SGCD: variants seen among roughly 807,000 people sequenced by gnomAD.
SGCD encodes the protein sarcoglycan delta.
SGCD carries 18 observed loss-of-function variants against 36.6 expected under a neutral mutation model. The observed-to-expected ratio is 0.49, with a 90% confidence interval of 0.34 to 0.73. SGCD has a LOEUF of 0.73. Among genes scored for constraint, SGCD ranks in the 30% least tolerant of loss-of-function variants. The pLI is 0.01. For missense variants in SGCD, 387 were observed against 346.7 expected (o/e 1.12, Z -0.92); for synonymous variants, 133 against 130.6 (o/e 1.02, Z -0.12).
chr5:155,832,704 C>T, the SGCD span, among the ~76,000 whole-genome samples: 1 of 149,314 alleles, frequency 6.7e-6, no homozygotes, highest in Non-Finnish European at 1.5e-5. Context: ...AATAGACATG[C>T]AAAAAAAATT....
intron 1 of SGCD, among the ~76,000 whole-genome samples, chr5:155,939,088 A>T (rs1757272674): frequency 2.0e-5 from 3 of 152,216 alleles, no homozygotes; most frequent in Admixed American, 2.0e-4. Context: ...TGGTCAAAAG[A>T]TAAAGAATTC....
the SGCD span, among the ~76,000 whole-genome samples, chr5:155,762,232 G>A: frequency 6.6e-6 from 1 of 152,074 alleles, no homozygotes; most frequent in African/African-American, 2.4e-5. Context: ...TGACAGATGT[G>A]AATGAATGCT....
intron 3 of SGCD, among the ~76,000 whole-genome samples, chr5:156,164,095 A>C (rs566378747): frequency 3.3e-5 from 5 of 151,432 alleles, no homozygotes; most frequent in South Asian, 2.1e-4. Flanking sequence ...GGAGAATGGC[A>C]GGAAAGCTAA....
intron 4 of SGCD, among the ~76,000 whole-genome samples, chr5:156,563,639 T>A (rs1759360243): frequency 6.6e-6 from 1 of 152,236 alleles, no homozygotes; most frequent in African/African-American, 2.4e-5. Flanking sequence ...CTACCTGGAA[T>A]CATTATCAAA....
Position 156,274,199 on chromosome 5 carries a change from A to G in SGCD, c.-43-55335A>G, listed in dbSNP as rs1337542990. On this transcript the variant is annotated intron_variant, in intron 3 of 9. Coordinates refer to the SGCD transcript ENST00000517913. ...GTACTTGCTTCAAAAACAAAATTTC[A>G]GGGGACACTAAAAATCTCAGCAATT... 2.0e-5 allele frequency among the ~76,000 whole-genome samples: 3 copies of G among 152,140 alleles called. 1 individual carries two copies. The East Asian group carries it at 5.8e-4, about 29-fold the overall frequency.
intron 3 of SGCD, among the ~76,000 whole-genome samples, chr5:156,445,776 A>C (rs1004083633): frequency 6.6e-6 from 1 of 152,106 alleles, no homozygotes; most frequent in Non-Finnish European, 1.5e-5. Context: ...ATTGTGATGC[A>C]TAGTGATAAC....
chr5:156,273,443 T>G (rs1766231605), intron 3 of SGCD, among the ~76,000 whole-genome samples: 1 of 151,426 alleles, frequency 6.6e-6, no homozygotes, highest in East Asian at 1.9e-4. Flanking sequence ...CACAGCCCAT[T>G]GTCAGTTTGC....
chr5:156,650,822 A>G (rs902140623), intron 7 of SGCD, among the ~76,000 whole-genome samples: 19 of 152,122 alleles, frequency 1.2e-4, no homozygotes, highest in Admixed American at 3.3e-4. Flanking sequence ...TGATAGAACA[A>G]TTTATTTCCC....
In SGCD at chr5:156,764,509, A is replaced by G. The variant is rs564275183; in HGVS notation, c.*5119A>G. On this transcript the variant is annotated 3_prime_UTR_variant, in exon 9 of 9. Transcript: ENST00000337851. Reference sequence around the variant, plus strand: ...CTTTCTTCATAAGGGAGTCCCTGAAATTTCTCAAGGCAGGTTTGAATGGCA... The same window carrying G: ...CTTTCTTCATAAGGGAGTCCCTGAAGTTTCTCAAGGCAGGTTTGAATGGCA... 3 of 152,566 alleles carry G rather than the reference A, an allele frequency of 2.0e-5. No homozygotes were observed. The highest frequency in any genetic ancestry group is 4.4e-5 in the Non-Finnish European group (3 of 68,034). 9.5% of individuals were successfully genotyped at this position (152,566 alleles called of 1,614,324 possible).
chr5:156,566,250 T>A (rs1262402041), intron 4 of SGCD, among the ~76,000 whole-genome samples: 1 of 152,180 alleles, frequency 6.6e-6, no homozygotes, highest in African/African-American at 2.4e-5. Context: ...GTAAATAAAT[T>A]CAATTTTTTA....
At chr5:155,749,788 A>C in the SGCD span, among the ~76,000 whole-genome samples, 1 of 152,170 alleles carries the variant, frequency 6.6e-6, no homozygotes, top group Non-Finnish European at 1.5e-5. Context: ...ACTGTAATCT[A>C]TCCCACATTT....
chr5:156,625,388 C>A (rs901934967), intron 6 of SGCD, among the ~76,000 whole-genome samples: 6 of 152,102 alleles, frequency 3.9e-5, no homozygotes, highest in African/African-American at 1.4e-4. Context: ...GTATGTTTGT[C>A]TTTGATAACT....
intron 3 of SGCD, among the ~76,000 whole-genome samples, chr5:156,397,374 G>A (rs1771914548): frequency 6.6e-6 from 1 of 152,160 alleles, no homozygotes; most frequent in Admixed American, 6.5e-5. Flanking sequence ...TTTTAAAAAT[G>A]TAAAAACCAT....
intron 1 of SGCD, among the ~76,000 whole-genome samples, chr5:156,073,617 G>A (rs918410233): frequency 3.3e-5 from 5 of 152,098 alleles, no homozygotes; most frequent in East Asian, 1.9e-4. Context: ...TTTTCTATTC[G>A]TGTACAGAGT....
chr5:156,562,816 T>C (rs1759321401), intron 4 of SGCD, among the ~76,000 whole-genome samples: 1 of 150,988 alleles, frequency 6.6e-6, no homozygotes, highest in Admixed American at 6.6e-5. Context: ...AATATATACA[T>C]ATAATAATTT....
intron 4 of SGCD, among the ~76,000 whole-genome samples, chr5:156,513,014 C>A (rs1310047295): frequency 4.0e-5 from 6 of 151,720 alleles, no homozygotes; most frequent in Non-Finnish European, 5.9e-5. Context: ...TTTAATATTT[C>A]CCTTCTGGAT....
chr5:156,593,050 T>G (rs1212976737), intron 5 of SGCD, among the ~76,000 whole-genome samples: 2 of 152,192 alleles, frequency 1.3e-5, no homozygotes, highest in African/African-American at 2.4e-5. Flanking sequence ...AGATTTCTTT[T>G]TATAAACACA....
intron 3 of SGCD, among the ~76,000 whole-genome samples, chr5:156,184,756 C>A (rs1561554809): frequency 6.6e-6 from 1 of 152,146 alleles, no homozygotes; most frequent in Non-Finnish European, 1.5e-5. Context: ...TGCCTCTCAG[C>A]AGAAGACAAG....
chr5:156,422,710 A>T (rs769826837), intron 3 of SGCD, among the ~76,000 whole-genome samples: 1 of 152,024 alleles, frequency 6.6e-6, no homozygotes, highest in East Asian at 1.9e-4. Flanking sequence ...TACATATCCC[A>T]TGCACAGTAG....
Sources: gnomAD v4.1 joint callset for allele counts (sites outside exome capture counted in the v4.1 genomes callset) on GRCh38, gnomAD v4.1.1 for gene constraint, MANE v1.5 for transcripts, NCBI Gene and HGNC (gene_info 2026-07-23, HGNC 2026-07-21) for gene names.